ST3GAL4: variants seen among roughly 807,000 people sequenced by gnomAD.
ST3GAL4 encodes ST3 beta-galactoside alpha-2,3-sialyltransferase 4, also known as CMP-N-acetylneuraminate-beta-galactosamide-alpha-2,3-sialyltransferase 4.
ST3GAL4 carries 24 observed loss-of-function variants against 42.6 expected under a neutral mutation model. The ratio of observed to expected loss-of-function variants is 0.56; its 90% CI spans 0.41 to 0.79. The LOEUF (loss-of-function observed/expected upper bound fraction) is 0.79. Among genes scored for constraint, ST3GAL4 ranks in the 30% least tolerant of loss-of-function variants. The pLI is 0.00. For synonymous variants in ST3GAL4, 135 were observed against 163.2 expected, an observed-to-expected ratio of 0.83 and a Z score of 1.32; for missense variants, 311 against 430.8, an observed-to-expected ratio of 0.72 and a Z score of 2.46.
chr11:126,386,350 G>A lies in ST3GAL4; in HGVS notation c.-60-19746G>A, dbSNP rs1953226723. Among the ~76,000 whole-genome samples, 1 of 152,080 alleles carries A rather than the reference G, an allele frequency of 6.6e-6. No homozygotes were observed. Among genetic ancestry groups the A allele is most frequent in the African/African-American group, 2.4e-5 (1 of 41,402 alleles). On this transcript the variant is annotated intron_variant, in intron 1 of 10. Coordinates refer to ENST00000444328, the MANE Select transcript of ST3GAL4 (RefSeq NM_001254757.2). The surrounding 1 kb of genome is among the most constrained non-coding windows in gnomAD (Gnocchi z 4.7). ...GTTTCTGTCCTGCCACAGTGCTCGAGTCAGTGCCCTCCCTGCTTGCATTCG... is the reference window on the plus strand; with the variant it reads ...GTTTCTGTCCTGCCACAGTGCTCGAATCAGTGCCCTCCCTGCTTGCATTCG...
chr11:126,358,544 G>A (rs572413019), intron 1 of ST3GAL4: 50 of 447,612 alleles, frequency 1.1e-4, no homozygotes, highest in African/African-American at 9.4e-4. Flanking sequence ...TCTACAGACT[G>A]AGGAAGTGGT....
rs1953158202 is a variant in ST3GAL4, at chr11:126,384,840, C to G, written c.-60-21256C>G. The G allele has an allele frequency of 1.0e-6, 1 of 985,200 alleles. No homozygotes were observed. Among genetic ancestry groups the G allele is most frequent in the Non-Finnish European group, 1.2e-6 (1 of 829,916 alleles). The allele number at this position is 985,200 out of a possible 1,614,324, so 61.0% of individuals were successfully genotyped here. On this transcript the variant is annotated intron_variant, in intron 1 of 10. Coordinates refer to ENST00000444328, the MANE Select transcript of ST3GAL4 (RefSeq NM_001254757.2). The surrounding 1 kb of genome is among the most constrained non-coding windows in gnomAD (Gnocchi z 5.5). ...GGCAGGTCCTTTGTCACATATGGGCCAGGAGAGGTGAGTGTGATTGTGGTA... is the reference window on the plus strand; with the variant it reads ...GGCAGGTCCTTTGTCACATATGGGCGAGGAGAGGTGAGTGTGATTGTGGTA...
Position 126,407,302 on chromosome 11 carries a change from T to G in ST3GAL4, c.233T>G (p.Val78Gly), listed in dbSNP as rs1591490098. The change falls in exon 5 of 11, where the codon GTC becomes GGC. Residue 78 changes from valine (V) to glycine (G), a missense_variant. By Grantham distance (109) the Val-to-Gly change is moderately radical. Transcript: ENST00000444328. ...CTGCGGCTTGAGGATTATTTCTGGG[T>G]CAAGACGCCATCTGCTTACGAGCTG... ...IFLRLEDYFW[V>G]KTPSAYELPY... 5 of 1,614,154 alleles carry G rather than the reference T, an allele frequency of 3.1e-6. No individual in the cohort carries two copies. The highest frequency in any genetic ancestry group is 1.6e-4 in the Middle Eastern group (1 of 6,062).
chr11:126,366,006 G>A lies in ST3GAL4; in HGVS notation c.-61+10164G>A, dbSNP rs371019299. Among the ~76,000 whole-genome samples the A allele has an allele frequency of 5.3e-4, 80 of 152,326 alleles. No individual in the cohort carries two copies. Among genetic ancestry groups the A allele is most frequent in the African/African-American group, 1.9e-3 (77 of 41,580 alleles). On this transcript the variant is annotated intron_variant, in intron 1 of 10. Transcript: ENST00000444328. The surrounding 1 kb of genome is among the most constrained non-coding windows in gnomAD (Gnocchi z 4.2). ...TGGCTGGGTCTCCTCTCAGGTGCCA[G>A]AATCTTTCTGGGAGCTGAGCCTGGC...
chr11:126,401,713 G>A (rs142029184), intron 1 of ST3GAL4, among the ~76,000 whole-genome samples: 1,574 of 152,230 alleles, frequency 0.01, 17 homozygotes, highest in Admixed American at 0.015. Flanking sequence ...TCTGAGCAGC[G>A]CAGTGAAGAC....
rs1230194146 is a variant in ST3GAL4 at position 126,410,364 on chromosome 11, G to A, written c.771+953G>A. Among the ~76,000 whole-genome samples the A allele has an allele frequency of 1.3e-5, 2 of 152,128 alleles. No homozygotes were observed. The highest frequency in any genetic ancestry group is 2.9e-5 in the Non-Finnish European group (2 of 68,022). Reference sequence around the variant, plus strand: ...TTCCACCCATATCTTGGAGCCCCTCGGGGAGGCCGTGTGGGATGGTGAGAG... The same window carrying A: ...TTCCACCCATATCTTGGAGCCCCTCAGGGAGGCCGTGTGGGATGGTGAGAG... On this transcript the variant is annotated intron_variant, in intron 9 of 10. Coordinates refer to ENST00000444328, the MANE Select transcript of ST3GAL4 (RefSeq NM_001254757.2). The surrounding 1 kb of genome is among the most constrained non-coding windows in gnomAD (Gnocchi z 5.3).
chr11:126,387,673 CA>C (rs1015589992), intron 1 of ST3GAL4, among the ~76,000 whole-genome samples: 7,629 of 115,896 alleles, frequency 0.066, 424 homozygotes, highest in African/African-American at 0.17. Flanking sequence ...GACTCTGTCT[CA>C]AAAAAAAAAA....
intron 1 of ST3GAL4, among the ~76,000 whole-genome samples, chr11:126,368,146 CAAAA>C (rs59203608): frequency 8.0e-6 from 1 of 125,134 alleles, no homozygotes; most frequent in Non-Finnish European, 1.7e-5. Context: ...GACTGTCTCA[CAAAA>C]AAAAAAAAAA....
intron 1 of ST3GAL4, among the ~76,000 whole-genome samples, chr11:126,358,238 G>GCC (rs1952136510): frequency 6.6e-6 from 1 of 152,244 alleles, no homozygotes; most frequent in South Asian, 2.1e-4. Flanking sequence ...CCTGCAACAG[G>GCC]CCCCTGCTGG....
At chr11:126,358,502 G>A (rs370963834) in intron 1 of ST3GAL4, 37 of 454,436 alleles carry the variant, frequency 8.1e-5, no homozygotes, top group East Asian at 3.5e-4. Flanking sequence ...GCCACATTTC[G>A]GGGAGGGAGG....
Position 126,399,474 on chromosome 11 carries a change from T to G in ST3GAL4, c.-60-6622T>G, listed in dbSNP as rs573755925. 2.0e-5 allele frequency among the ~76,000 whole-genome samples: 3 copies of G among 151,884 alleles called. No homozygotes were observed. In the East Asian group the frequency reaches 5.8e-4, roughly 29 times the overall value. On this transcript the variant is annotated intron_variant, in intron 1 of 10. Transcript: ENST00000444328. ...TGTGTGCCACCACACCCAGCTAATT[T>G]TTTTGTATTTTTAGTAGAGATGGGG...
At chr11:126,370,797 C>T (rs1468767150) in intron 1 of ST3GAL4, among the ~76,000 whole-genome samples, 2 of 151,976 alleles carry the variant, frequency 1.3e-5, no homozygotes, top group South Asian at 2.1e-4. Flanking sequence ...CTGCCTCAGC[C>T]TCCCGATTTG....
chr11:126,408,691 G>A, intron 8 of ST3GAL4, 195 bp downstream of exon 8: 2 of 639,992 alleles, frequency 3.1e-6, no homozygotes, highest in South Asian at 4.2e-5. Context: ...CAGCAACTGG[G>A]TATAAAAGCC....
chr11:126,399,567 A>G (rs1953920453), intron 1 of ST3GAL4, among the ~76,000 whole-genome samples: 1 of 152,036 alleles, frequency 6.6e-6, no homozygotes, highest in Admixed American at 6.6e-5. Flanking sequence ...TCAGCCTCCC[A>G]AAGTGCTAGG....
chr11:126,387,747 C>T (rs1256758226), intron 1 of ST3GAL4, among the ~76,000 whole-genome samples: 3 of 149,742 alleles, frequency 2.0e-5, no homozygotes, highest in Admixed American at 1.3e-4. Context: ...CATTCCAGAC[C>T]TCTGACCCCC....
chr11:126,414,125 G>A lies in ST3GAL4; in HGVS notation c.*78G>A, dbSNP rs1047092716. 2 of 1,463,726 alleles carry A rather than the reference G, an allele frequency of 1.4e-6. No individual in the cohort carries two copies. The highest frequency in any genetic ancestry group is 1.4e-5 in the African/African-American group (1 of 71,906). 90.7% of individuals were successfully genotyped at this position (1,463,726 alleles called of 1,614,324 possible). ...CCCATGCGTGGCTGTGGGGGTGGCT[G>A]GTGCCAGTATGACCCACTTGGACTC... On this transcript the variant is annotated 3_prime_UTR_variant, in exon 11 of 11. Coordinates refer to ENST00000444328, the MANE Select transcript of ST3GAL4 (RefSeq NM_001254757.2).
At position 126,379,715 on chromosome 11, in the gene ST3GAL4, C is replaced by T. The variant is rs1057202031; in HGVS notation, c.-61+23873C>T. Among the ~76,000 whole-genome samples the T allele has an allele frequency of 1.3e-5, 2 of 151,830 alleles. No homozygotes were observed. Among genetic ancestry groups the T allele is most frequent in the Admixed American group, 6.6e-5 (1 of 15,234 alleles). On this transcript the variant is annotated intron_variant, in intron 1 of 10. Transcript: ENST00000444328. This position sits in a 1 kb window ranked among gnomAD's most constrained non-coding sequence, Gnocchi z 4.2. Reference sequence around the variant, plus strand: ...CTGGTCTCAAACTCCTGACCTTAGGCGATCCAACCACCTTGGCCTCCTTAA... The same window carrying T: ...CTGGTCTCAAACTCCTGACCTTAGGTGATCCAACCACCTTGGCCTCCTTAA...
rs1953539319 is a variant in ST3GAL4 at position 126,392,022 on chromosome 11, C to G, written c.-60-14074C>G. Among the ~76,000 whole-genome samples the G allele has an allele frequency of 6.6e-6, 1 of 151,404 alleles. No homozygotes were observed. The stretch of plus-strand genomic sequence containing the variant: ...AATTATTTTCCTTAACACCACTGAC[C>G]TGAAGGCAGTTACACGTAATTTACA... On this transcript the variant is annotated intron_variant, in intron 1 of 10. Transcript: ENST00000444328. The surrounding 1 kb of genome is among the most constrained non-coding windows in gnomAD (Gnocchi z 5.8).
chr11:126,412,470 C>G (rs1413310312), intron 9 of ST3GAL4, among the ~76,000 whole-genome samples: 3 of 152,182 alleles, frequency 2.0e-5, no homozygotes, highest in African/African-American at 7.2e-5. Flanking sequence ...CTGCCCGTCA[C>G]TGTGGATGAA....
Sources: gnomAD v4.1 joint callset for allele counts (sites outside exome capture counted in the v4.1 genomes callset) on GRCh38, gnomAD v4.1.1 for gene constraint, Gnocchi (gnomAD v3.1) non-coding constraint, MANE v1.5 for transcripts, NCBI Gene and HGNC (gene_info 2026-07-23, HGNC 2026-07-21) for gene names.